TCF20: variants seen among roughly 807,000 people sequenced by gnomAD.
TCF20 encodes SPRE-binding protein.
TCF20 carries 3 observed loss-of-function variants against 148.6 expected under a neutral mutation model. The ratio of observed to expected loss-of-function variants is 0.02; its 90% CI spans 0.01 to 0.05. The LOEUF (loss-of-function observed/expected upper bound fraction) is 0.05. Among genes scored for constraint, TCF20 ranks in the 10% least tolerant of loss-of-function variants. The pLI is 1.00. For missense variants in TCF20, 2,350 were observed against 2,429.3 expected, an observed-to-expected ratio of 0.97 and a Z score of 0.69; for synonymous variants, 1,049 against 909.5, an observed-to-expected ratio of 1.15 and a Z score of -2.76.
intron 2 of TCF20, among the ~76,000 whole-genome samples, chr22:42,200,864 G>A (rs1242731707): frequency 2.6e-5 from 4 of 152,042 alleles, no homozygotes; most frequent in East Asian, 1.9e-4. Context: ...TGACTTACAC[G>A]CTTAGAAATC....
intron 1 of TCF20, among the ~76,000 whole-genome samples, chr22:42,252,610 C>A (rs1157697318): frequency 1.3e-5 from 2 of 152,032 alleles, no homozygotes; most frequent in African/African-American, 4.8e-5. Context: ...ACCACCATGC[C>A]CAGCTAATTT....
chr22:42,297,457 C>T lies in TCF20; in HGVS notation c.-37+46022G>A, dbSNP rs1056434246. On this transcript the variant is annotated intron_variant, in intron 1 of 1. Transcript: ENST00000515426. The surrounding 1 kb of genome is among the most constrained non-coding windows in gnomAD (Gnocchi z 4.3). ...ACCAGCAACAAGAACTCATCAGAGC[C>T]CCTCCCAACCTTCTCCCATCCCCCA... 1.3e-5 allele frequency among the ~76,000 whole-genome samples: 2 copies of T among 152,168 alleles called. No individual in the cohort carries two copies. The highest frequency in any genetic ancestry group is 4.8e-5 in the African/African-American group (2 of 41,438).
chr22:42,185,306 T>A (rs993911569), intron 2 of TCF20, among the ~76,000 whole-genome samples: 1 of 152,196 alleles, frequency 6.6e-6, no homozygotes. Context: ...CTCATGTTTG[T>A]CCATCTCCCC....
In TCF20 at chr22:42,213,588, G is replaced by A; in HGVS notation, c.1718C>T (p.Ala573Val). 6.2e-7 allele frequency: 1 copy of A among 1,614,130 alleles called. No individual in the cohort carries two copies. Among genetic ancestry groups the A allele is most frequent in the East Asian group, 2.2e-5 (1 of 44,886 alleles). ...GAQNEPPRLN[A>V]SPAAREEATS... ...GGCCTCTTCTCTTGCGGCAGGACTA[G>A]CATTGAGTCTGGGGGGTTCATTCTG... The change falls in exon 2 of 6, where the codon GCT becomes GTT. Residue 573 changes from alanine (A) to valine (V), a missense_variant. By Grantham distance (64) the Ala-to-Val change is moderately conservative. Around this residue, in one of 7 missense-constraint regions of TCF20, gnomAD observed 1,641 missense variants for 1,662.6 expected, o/e 0.99. Coordinates refer to ENST00000677622, the MANE Select transcript of TCF20 (RefSeq NM_001378418.1).
chr22:42,275,294 A>G (rs1253477133), upstream of TCF20: 3 of 152,272 alleles, frequency 2.0e-5, no homozygotes, highest in Non-Finnish European at 1.5e-5. Flanking sequence ...CTCGGACCCC[A>G]TGCCTGGAAG....
chr22:42,183,753 A>T (rs1936899373), intron 2 of TCF20, among the ~76,000 whole-genome samples: 1 of 150,412 alleles, frequency 6.6e-6, no homozygotes, highest in Admixed American at 6.6e-5. Flanking sequence ...CTCTCAAGTG[A>T]TTGTTCATTT....
At position 42,211,432 on chromosome 22, in the gene TCF20, C is replaced by T. The variant is rs775825597; in HGVS notation, c.3874G>A (p.Ala1292Thr). Residue 1292 changes from alanine (A) to threonine (T), a missense_variant, in exon 2 of 6, where the codon GCT becomes ACT. Transcript: ENST00000677622. ...GCATAGGAATTGAATGCTTTATCAG[C>T]GCCTTCTTTTGATGAGTGAAGGAGG... Reference protein sequence around the residue: ...GRLLHSSKEGADKAFNSYAHL... With the variant: ...GRLLHSSKEGTDKAFNSYAHL... 25 of 1,614,068 alleles carry T rather than the reference C, an allele frequency of 1.5e-5. No individual in the cohort carries two copies. The highest frequency in any genetic ancestry group is 1.6e-4 in the Middle Eastern group (1 of 6,084).
chr22:42,200,221 T>TC (rs1687864508), intron 2 of TCF20, among the ~76,000 whole-genome samples: 1 of 152,206 alleles, frequency 6.6e-6, no homozygotes, highest in Non-Finnish European at 1.5e-5. Flanking sequence ...CTTCAACCCT[T>TC]CTTTCTGTTA....
chr22:42,275,441 A>G (rs957040655), upstream of TCF20, among the ~76,000 whole-genome samples: 8 of 151,998 alleles, frequency 5.3e-5, no homozygotes, highest in Non-Finnish European at 1.2e-4. Context: ...GATCACCCCC[A>G]CCTGCCCGGC....
chr22:42,204,243 C>A (rs1268883537), intron 2 of TCF20, among the ~76,000 whole-genome samples: 1 of 152,110 alleles, frequency 6.6e-6, no homozygotes, highest in Non-Finnish European at 1.5e-5. Context: ...ACCTATAATC[C>A]CAGTACTTTG....
chr22:42,342,292 G>C (rs544079083), intron 1 of TCF20, among the ~76,000 whole-genome samples: 1 of 152,196 alleles, frequency 6.6e-6, no homozygotes, highest in Non-Finnish European at 1.5e-5. Context: ...GAGAAACGAC[G>C]GGAGGGCTGA....
At chr22:42,221,163 C>T (rs532073916) in intron 1 of TCF20, among the ~76,000 whole-genome samples, 14 of 152,236 alleles carry the variant, frequency 9.2e-5, no homozygotes, top group Middle Eastern at 3.4e-3. Flanking sequence ...GCAAAATAAA[C>T]GTAGAGGTTG....
At chr22:42,315,483 A>G (rs1199374020) in intron 1 of TCF20, among the ~76,000 whole-genome samples, 1 of 152,232 alleles carries the variant, frequency 6.6e-6, no homozygotes, top group African/African-American at 2.4e-5. Flanking sequence ...GGCTGGACAT[A>G]GGCAGGAAGA....
At chr22:42,227,398 T>C (rs1284661078) in intron 1 of TCF20, among the ~76,000 whole-genome samples, 2 of 152,232 alleles carry the variant, frequency 1.3e-5, no homozygotes, top group Non-Finnish European at 2.9e-5. Context: ...ATTTGCTCCA[T>C]TATCTTTTCC....
intron 1 of TCF20, among the ~76,000 whole-genome samples, chr22:42,333,751 G>C (rs1435722357): frequency 6.6e-6 from 1 of 152,264 alleles, no homozygotes; most frequent in Non-Finnish European, 1.5e-5. Context: ...CACACACAGA[G>C]GAAGGCGATA....
intron 2 of TCF20, among the ~76,000 whole-genome samples, chr22:42,187,601 T>C (rs1378453888): frequency 6.6e-6 from 1 of 152,240 alleles, no homozygotes; most frequent in Non-Finnish European, 1.5e-5. Flanking sequence ...GATTCTGTTT[T>C]GATCCACAAA....
chr22:42,255,282 C>T (rs772062836), intron 1 of TCF20, among the ~76,000 whole-genome samples: 18 of 151,948 alleles, frequency 1.2e-4, no homozygotes, highest in Non-Finnish European at 2.5e-4. Context: ...GTCAGGAAAT[C>T]GAGACCATCT....
chr22:42,219,383 C>CAAAAAAAAAAAAAA (rs1922140132), intron 1 of TCF20, among the ~76,000 whole-genome samples: 3 of 62,050 alleles, frequency 4.8e-5, no homozygotes, highest in African/African-American at 2.2e-4. Context: ...AAAAAAAAAG[C>CAAAAAAAAAAAAAA]TAATAGAGAT....
At position 42,317,306 on chromosome 22, in the gene TCF20, G is replaced by A. The variant is rs906150391; in HGVS notation, c.-37+26173C>T. Among the ~76,000 whole-genome samples the A allele has an allele frequency of 3.3e-5, 5 of 152,166 alleles. No individual in the cohort carries two copies. The highest frequency in any genetic ancestry group is 5.9e-5 in the Non-Finnish European group (4 of 68,040). On this transcript the variant is annotated intron_variant, in intron 1 of 1. Coordinates refer to the TCF20 transcript ENST00000515426. This position sits in a 1 kb window ranked among gnomAD's most constrained non-coding sequence, Gnocchi z 4.2. ...GCGTGGAAATCACCACACTGAAGGT[G>A]GCAATATTTCACCTCGCCCAGAAAT...
Sources: allele counts gnomAD v4.1 joint callset (sites outside exome capture counted in the v4.1 genomes callset), GRCh38; gene constraint gnomAD v4.1.1; regional missense constraint gnomAD v4.1.1; non-coding constraint Gnocchi (gnomAD v3.1); transcripts MANE v1.5; gene names NCBI Gene and HGNC (gene_info 2026-07-23, HGNC 2026-07-21).